The following NAPB variants were observed in gnomAD, a reference collection of about 807,000 sequenced individuals.
The protein encoded by NAPB is NSF attachment protein beta, also known as beta-soluble NSF attachment protein.
In NAPB, 26 loss-of-function variants were observed where a neutral mutation model predicts 44.7. That is an observed-to-expected ratio of 0.58 (90% CI 0.43 to 0.81). NAPB has a LOEUF of 0.81. Among genes scored for constraint, NAPB ranks in the 30% least tolerant of loss-of-function variants. NAPB has a pLI of 0.00. For synonymous variants in NAPB, 120 were observed against 116.8 expected (o/e 1.03, Z -0.18); for missense variants, 315 against 356.4 (o/e 0.88, Z 0.94).
intron 2 of NAPB, among the ~76,000 whole-genome samples, chr20:23,402,331 T>A (rs73901858): frequency 0.02 from 3,054 of 152,222 alleles, 83 homozygotes; most frequent in African/African-American, 0.07. Flanking sequence ...GCATGAAAGA[T>A]CTCTTTCGCT....
intron 9 of NAPB, 170 bp downstream of exon 9, chr20:23,379,697 T>C: frequency 4.5e-6 from 3 of 668,274 alleles, no homozygotes; most frequent in Non-Finnish European, 7.8e-6. Context: ...AACTACATGT[T>C]TCTGACCTTA....
At chr20:23,390,178 A>C in intron 6 of NAPB, 31 bp downstream of exon 6, 1 of 1,568,760 alleles carries the variant, frequency 6.4e-7, no homozygotes, top group South Asian at 1.1e-5. Flanking sequence ...AATAAAACCC[A>C]TTAAATCATA....
At position 23,419,808 on chromosome 20, in the gene NAPB, G is replaced by A. The variant is rs551710861; in HGVS notation, c.98+1497C>T. Among the ~76,000 whole-genome samples, 15 of 152,346 alleles carry A rather than the reference G, an allele frequency of 9.8e-5. 1 individual carries two copies. The highest frequency in any genetic ancestry group is 3.4e-3 in the Middle Eastern group (1 of 294). ...CCTCTGAGAGGTTCCTGAGGACAGG[G>A]ACCCTTATCTTCTTGCATTTTTGCA... On this transcript the variant is annotated intron_variant, in intron 1 of 10. Coordinates refer to ENST00000377026, the MANE Select transcript of NAPB (RefSeq NM_022080.3).
chr20:23,398,854 ATTTTTTT>A (rs34074566), intron 2 of NAPB, among the ~76,000 whole-genome samples: 23 of 90,444 alleles, frequency 2.5e-4, no homozygotes, highest in East Asian at 1.1e-3. Context: ...CAAAAAAAAA[ATTTTTTT>A]TTTTTTTTTT....
At chr20:23,404,248 C>G (rs542732254) in intron 1 of NAPB, among the ~76,000 whole-genome samples, 6 of 152,282 alleles carry the variant, frequency 3.9e-5, no homozygotes, top group South Asian at 2.1e-4. Context: ...TGAGATGCAG[C>G]AGACTCTGTA....
intron 8 of NAPB, among the ~76,000 whole-genome samples, chr20:23,380,169 T>C (rs1982879593): frequency 1.3e-5 from 2 of 152,246 alleles, no homozygotes; most frequent in African/African-American, 4.8e-5. Flanking sequence ...GAGAAGACAT[T>C]GTAAATGAAA....
At chr20:23,404,915 C>T (rs1016627561) in intron 1 of NAPB, among the ~76,000 whole-genome samples, 1 of 152,154 alleles carries the variant, frequency 6.6e-6, no homozygotes, top group African/African-American at 2.4e-5. Flanking sequence ...ACCTTATATA[C>T]GACTGGGAGG....
At chr20:23,391,712 A>G (rs1204346566) in intron 5 of NAPB, among the ~76,000 whole-genome samples, 3 of 152,234 alleles carry the variant, frequency 2.0e-5, no homozygotes, top group Non-Finnish European at 2.9e-5. Context: ...CAATAAAACT[A>G]TATTTATGAA....
At chr20:23,400,537 G>A (rs1015824369) in intron 2 of NAPB, among the ~76,000 whole-genome samples, 2 of 152,058 alleles carry the variant, frequency 1.3e-5, no homozygotes, top group Non-Finnish European at 2.9e-5. Context: ...GGGGAACTTG[G>A]AACTGTCTTT....
chr20:23,412,748 C>A (rs1478070845), intron 1 of NAPB, among the ~76,000 whole-genome samples: 1 of 152,210 alleles, frequency 6.6e-6, no homozygotes, highest in Non-Finnish European at 1.5e-5. Flanking sequence ...ACAATCCCAG[C>A]ACTTTGGGAG....
At chr20:23,398,663 C>T (rs1247427006) in intron 2 of NAPB, among the ~76,000 whole-genome samples, 5 of 151,726 alleles carry the variant, frequency 3.3e-5, no homozygotes, top group African/African-American at 7.3e-5. Flanking sequence ...CTGAACATAG[C>T]GAAACCCTGT....
At chr20:23,420,093 AAAC>A (rs753177132) in intron 1 of NAPB, among the ~76,000 whole-genome samples, 7 of 152,222 alleles carry the variant, frequency 4.6e-5, no homozygotes, top group Non-Finnish European at 1.0e-4. Flanking sequence ...TTTCAAAAGA[AAAC>A]AACGAAACAG....
rs1982584111 is a variant in NAPB at position 23,377,160 on chromosome 20, T to C, written c.*216A>G. ...TCTCAGAAAACGCTGGGGGTTCTGA[T>C]AAGCATGAAACAACCCATCATTACC... On this transcript the variant is annotated 3_prime_UTR_variant, in exon 11 of 11. Coordinates refer to ENST00000377026, the MANE Select transcript of NAPB (RefSeq NM_022080.3). The C allele has an allele frequency of 3.0e-6, 1 of 336,964 alleles. No homozygotes were observed. The allele number at this position is 336,964 out of a possible 1,614,324, so 20.9% of individuals were successfully genotyped here. A position where few individuals can be genotyped will look rare whatever the true frequency, so the allele number is the denominator to read the frequency against.
chr20:23,388,145 T>C (rs570199004), intron 7 of NAPB, among the ~76,000 whole-genome samples: 77 of 152,292 alleles, frequency 5.1e-4, no homozygotes, highest in African/African-American at 1.8e-3. Context: ...ACTGGAGCTA[T>C]ACCATTGGCT....
chr20:23,398,076 C>A (rs1984508076), intron 2 of NAPB, among the ~76,000 whole-genome samples: 1 of 152,072 alleles, frequency 6.6e-6, no homozygotes, highest in Admixed American at 6.6e-5. Context: ...CTGGAGGAGG[C>A]CAGTGGAAAT....
chr20:23,380,954 C>T lies in NAPB; in HGVS notation c.666+259G>A, dbSNP rs141630598. 1.1e-3 allele frequency: 441 copies of T among 386,416 alleles called. 1 individual carries two copies. Among genetic ancestry groups the T allele is most frequent in the African/African-American group, 8.2e-3 (387 of 47,234 alleles). 23.9% of individuals were successfully genotyped at this position (386,416 alleles called of 1,614,324 possible). Reference sequence around the variant, plus strand: ...CCCCATTCAAGTACCAGGCTCTACACTGCTTAGCTTCTGAGATCAGACGAG... The same window carrying T: ...CCCCATTCAAGTACCAGGCTCTACATTGCTTAGCTTCTGAGATCAGACGAG... On this transcript the variant is annotated intron_variant, in intron 8 of 10. Coordinates refer to ENST00000377026, the MANE Select transcript of NAPB (RefSeq NM_022080.3).
intron 7 of NAPB, among the ~76,000 whole-genome samples, chr20:23,387,547 A>C (rs1457120967): frequency 6.6e-6 from 1 of 152,230 alleles, no homozygotes; most frequent in Non-Finnish European, 1.5e-5. Flanking sequence ...GTTGCAGGAC[A>C]AAAAATTGAT....
chr20:23,397,587 C>T (rs1040176926), intron 2 of NAPB, among the ~76,000 whole-genome samples: 2 of 149,500 alleles, frequency 1.3e-5, no homozygotes, highest in Non-Finnish European at 2.9e-5. Flanking sequence ...TATTTGCTCA[C>T]TTTTCTATCT....
At chr20:23,392,780 C>T (rs1336720089) in intron 5 of NAPB, among the ~76,000 whole-genome samples, 1 of 151,898 alleles carries the variant, frequency 6.6e-6, no homozygotes, top group Admixed American at 6.5e-5. Flanking sequence ...GCCTTGGCCT[C>T]CCAAAGTGGT....
Sources: gnomAD v4.1 joint callset for allele counts (sites outside exome capture counted in the v4.1 genomes callset) on GRCh38, gnomAD v4.1.1 for gene constraint, MANE v1.5 for transcripts, NCBI Gene and HGNC (gene_info 2026-07-23, HGNC 2026-07-21) for gene names.